USH2A: variants seen among roughly 807,000 people sequenced by gnomAD.
USH2A encodes Usher syndrome 2A (autosomal recessive, mild).
A neutral mutation model predicts 538.9 loss-of-function variants in USH2A; 443 were observed. The observed-to-expected ratio is 0.82, with a 90% CI of 0.76 to 0.89. USH2A has a LOEUF of 0.89. USH2A is among the 40% of genes least tolerant of loss of function. The probability of loss-of-function intolerance (pLI) is 0.00; values close to 1 mark genes in which losing one functional copy is unlikely to be tolerated. For synonymous variants in USH2A, 2,413 were observed against 2,273.5 expected (o/e 1.06, Z -1.75); for missense variants, 6,633 against 6,324.8 (o/e 1.05, Z -1.65).
intron 37 of USH2A, among the ~76,000 whole-genome samples, chr1:215,943,876 A>T (rs1457801864): frequency 6.6e-6 from 1 of 152,178 alleles, no homozygotes; most frequent in Admixed American, 6.5e-5. Context: ...TGAATTAACC[A>T]AATTTGTTTC....
intron 60 of USH2A, among the ~76,000 whole-genome samples, chr1:215,734,539 A>G (rs776334178): frequency 6.6e-6 from 1 of 152,090 alleles, no homozygotes; most frequent in Non-Finnish European, 1.5e-5. Context: ...CCAGGCTGCA[A>G]ATTTTCTGAA....
In USH2A at chr1:216,381,724, T is replaced by G. The variant is rs961093257; in HGVS notation, c.652-16639A>C. 4.6e-5 allele frequency among the ~76,000 whole-genome samples: 7 copies of G among 152,338 alleles called. No homozygotes were observed. The East Asian group carries it at 1.3e-3, about 29-fold the overall frequency. On this transcript the variant is annotated intron_variant, in intron 3 of 71. Transcript: ENST00000307340. ...AATTTACTTCATAAATTTCTTTTCC[T>G]TTTTCAGTTTTCTCCTGCTACATAT... is the stretch of plus-strand genomic sequence containing the variant.
At chr1:216,216,914 G>C (rs1003327462) in intron 15 of USH2A, among the ~76,000 whole-genome samples, 8 of 151,920 alleles carry the variant, frequency 5.3e-5, no homozygotes, top group African/African-American at 1.7e-4. Context: ...ACAACTAATG[G>C]TATAATACTG....
At chr1:215,935,749 A>G (rs541520690) in intron 37 of USH2A, among the ~76,000 whole-genome samples, 1 of 152,126 alleles carries the variant, frequency 6.6e-6, no homozygotes, top group East Asian at 1.9e-4. Flanking sequence ...TTATGAGACA[A>G]TTTTTTAAAT....
chr1:215,800,679 A>G (rs934196257), intron 49 of USH2A, among the ~76,000 whole-genome samples: 2 of 152,184 alleles, frequency 1.3e-5, no homozygotes, highest in African/African-American at 2.4e-5. Flanking sequence ...TTAATTAAAC[A>G]TAGATATATA....
chr1:216,373,805 T>C (rs2038762214), intron 3 of USH2A, among the ~76,000 whole-genome samples: 1 of 152,108 alleles, frequency 6.6e-6, no homozygotes, highest in Admixed American at 6.6e-5. Context: ...AAGAGACACG[T>C]ATGTTTATTG....
intron 21 of USH2A, among the ~76,000 whole-genome samples, chr1:216,167,085 G>T (rs541811065): frequency 1.3e-5 from 2 of 151,842 alleles, no homozygotes; most frequent in Admixed American, 1.3e-4. Context: ...CCAAACAAAC[G>T]GCCTATGGCT....
Position 215,688,638 on chromosome 1 carries a change from T to C in USH2A, c.12067-8262A>G, listed in dbSNP as rs189082391. 1.8e-3 allele frequency among the ~76,000 whole-genome samples: 281 copies of C among 152,270 alleles called. 4 individuals carry two copies. Among genetic ancestry groups the C allele is most frequent in the Non-Finnish European group, 2.8e-3 (191 of 67,988 alleles). Reference sequence around the variant, plus strand: ...CTGGTGAAGCCTCTCTTCTGGCTTATAGACAGCTGTCTTCTGGATGTGTTT... The same window carrying C: ...CTGGTGAAGCCTCTCTTCTGGCTTACAGACAGCTGTCTTCTGGATGTGTTT... On this transcript the variant is annotated intron_variant, in intron 61 of 71. Transcript: ENST00000307340.
At chr1:216,339,983 A>T (rs550766488) in intron 4 of USH2A, among the ~76,000 whole-genome samples, 83 of 152,164 alleles carry the variant, frequency 5.5e-4, no homozygotes, top group African/African-American at 1.9e-3. Context: ...AACAACTAAG[A>T]TCAGAGCAGA....
At chr1:215,965,178 T>C (rs1417977784) in intron 37 of USH2A, 139 bp downstream of exon 37, 4 of 960,912 alleles carry the variant, frequency 4.2e-6, no homozygotes, top group Admixed American at 2.6e-5. Flanking sequence ...CAGTAGCTTA[T>C]CCGTATAGGT....
Position 216,346,291 on chromosome 1 carries a change from C to T in USH2A, c.785-18637G>A, listed in dbSNP as rs577200916. Among the ~76,000 whole-genome samples, 4 of 151,980 alleles carry T rather than the reference C, an allele frequency of 2.6e-5. No homozygotes were observed. In the South Asian group the frequency reaches 8.3e-4, roughly 32 times the overall value. ...ATATTTAAGTTCTAACAGCCTGGGA[C>T]TCCTTGGGAAAAAAAGGAGCACCAC... On this transcript the variant is annotated intron_variant, in intron 4 of 71. Coordinates refer to ENST00000307340, the MANE Select transcript of USH2A (RefSeq NM_206933.4).
intron 57 of USH2A, among the ~76,000 whole-genome samples, chr1:215,759,459 G>A (rs541993728): frequency 1.3e-5 from 2 of 152,104 alleles, no homozygotes; most frequent in South Asian, 4.1e-4. Context: ...TCAAACAGAA[G>A]ACGAATTATT....
chr1:216,252,041 G>A (rs2036173710), intron 11 of USH2A, among the ~76,000 whole-genome samples: 1 of 152,028 alleles, frequency 6.6e-6, no homozygotes, highest in Admixed American at 6.5e-5. Context: ...TTCCAAAAAT[G>A]TTTCTTGTTT....
chr1:215,940,599 C>T (rs895592733), intron 37 of USH2A, among the ~76,000 whole-genome samples: 65 of 152,120 alleles, frequency 4.3e-4, no homozygotes, highest in African/African-American at 1.5e-3. Flanking sequence ...AAGTTTTTGA[C>T]AATGTATAAA....
intron 32 of USH2A, among the ~76,000 whole-genome samples, chr1:216,028,865 T>C (rs989612750): frequency 6.6e-6 from 1 of 152,116 alleles, no homozygotes; most frequent in Admixed American, 6.6e-5. Flanking sequence ...CTTAGTATAT[T>C]ATAAAGTGGT....
intron 61 of USH2A, among the ~76,000 whole-genome samples, chr1:215,684,542 G>C (rs923407148): frequency 6.6e-6 from 1 of 152,118 alleles, no homozygotes; most frequent in African/African-American, 2.4e-5. Context: ...GGTCTTTGGG[G>C]TGTATTTTCA....
chr1:215,766,676 A>G lies in USH2A; in HGVS notation c.11047+5T>C. ...TCCCTCAAACCATGGATATTGTTTC[A>G]TTACCTTCAGGAGCTGCCTGCAGTG... On this transcript the variant is annotated splice_donor_5th_base_variant and intron_variant, in intron 56 of 71. Transcript: ENST00000307340. 6.2e-7 allele frequency: 1 copy of G among 1,612,528 alleles called. No homozygotes were observed. Among genetic ancestry groups the G allele is most frequent in the East Asian group, 2.2e-5 (1 of 44,854 alleles).
chr1:216,156,621 T>C (rs1162252621), intron 21 of USH2A, among the ~76,000 whole-genome samples: 2 of 152,168 alleles, frequency 1.3e-5, no homozygotes, highest in Non-Finnish European at 2.9e-5. Flanking sequence ...TATTACCCCA[T>C]CTACTGATTT....
rs561666742 is a variant in USH2A, at chr1:216,197,371, C to A, written c.4082-649G>T. ...TCATTGCACTTTCATTAGCTAGTGA[C>A]CCATAAGATTACGAGGGACCAGTAT... On this transcript the variant is annotated intron_variant, in intron 18 of 71. Transcript: ENST00000307340. 1.3e-3 allele frequency among the ~76,000 whole-genome samples: 200 copies of A among 152,236 alleles called. 2 individuals carry two copies. The highest frequency in any genetic ancestry group is 4.7e-3 in the African/African-American group (194 of 41,550).
Sources: gnomAD v4.1 joint callset for allele counts (sites outside exome capture counted in the v4.1 genomes callset) on GRCh38, gnomAD v4.1.1 for gene constraint, MANE v1.5 for transcripts, NCBI Gene and HGNC (gene_info 2026-07-23, HGNC 2026-07-21) for gene names.